The following GLRA2 variants were observed in gnomAD, a reference collection of about 807,000 sequenced individuals.
The protein encoded by GLRA2 is glycine receptor alpha 2.
A neutral mutation model predicts 31.6 loss-of-function variants in GLRA2; 11 were observed. That is an observed-to-expected ratio of 0.35 (90% CI 0.22 to 0.58). The LOEUF is 0.58. Ranked by LOEUF, GLRA2 falls within the 20% of genes least tolerant of loss-of-function variation. The pLI is 0.84. For synonymous variants in GLRA2, 132 were observed against 134.0 expected (o/e 0.99, Z 0.10); for missense variants, 212 against 351.8 (o/e 0.60, Z 3.18).
rs765903619 is a variant in GLRA2, at chrX:14,730,468, G to A, written c.1342G>A (p.Asp448Asn). 1 of 1,205,967 alleles carries A rather than the reference G, an allele frequency of 8.3e-7. No homozygotes were observed. The highest frequency in any genetic ancestry group is 1.1e-6 in the Non-Finnish European group (1 of 891,241). ...WITYKIIRHE[D>N]VHKK ...CACATACAAGATCATTCGGCATGAA[G>A]ATGTCCACAAGAAATAGATGTGCCC... is the stretch of plus-strand genomic sequence containing the variant. The change falls in exon 9 of 9, where the codon GAT becomes AAT. Residue 448 changes from aspartate (D) to asparagine (N), a missense_variant. Physicochemically the swap from Asp to Asn is conservative, Grantham distance 23 (BLOSUM62 1). This residue lies in a region of GLRA2 where 42 missense variants were observed against 52.0 expected (regional missense o/e 0.81). Transcript: ENST00000218075.
the GLRA2 span, among the ~76,000 whole-genome samples, chrX:14,458,482 C>T: frequency 4.5e-5 from 5 of 112,063 alleles, no homozygotes; most frequent in Admixed American, 4.7e-4. Context: ...GTTTACAGTC[C>T]CACCAACTGT....
intron 4 of GLRA2, among the ~76,000 whole-genome samples, chrX:14,591,355 C>T (rs1011833583): frequency 2.7e-5 from 3 of 111,608 alleles, no homozygotes; most frequent in African/African-American, 6.5e-5. Context: ...CTCAAAAGTA[C>T]GGAAGCCGAC....
the GLRA2 span, among the ~76,000 whole-genome samples, chrX:14,464,549 TTTTATTTA>T: frequency 5.4e-5 from 6 of 110,198 alleles, no homozygotes; most frequent in African/African-American, 2.0e-4. Flanking sequence ...TGTATCTATT[TTTTATTTA>T]TTTATTTATT....
the GLRA2 span, among the ~76,000 whole-genome samples, chrX:14,482,252 G>T: frequency 1.8e-5 from 2 of 111,725 alleles, no homozygotes; most frequent in South Asian, 7.3e-4. Context: ...ATTGTGTCTG[G>T]TTACATTAGA....
At chrX:14,479,128 C>T in the GLRA2 span, among the ~76,000 whole-genome samples, 2 of 109,573 alleles carry the variant, frequency 1.8e-5, no homozygotes, top group African/African-American at 3.3e-5. Flanking sequence ...AAAAAAAAGG[C>T]AAGTGGAGAA....
chrX:14,621,133 G>C lies in GLRA2; in HGVS notation c.930+11928G>C, dbSNP rs773838301. On this transcript the variant is annotated intron_variant, in intron 7 of 8. Transcript: ENST00000218075. ...ATTGTGGAAGTACTGTAAAGAGACA[G>C]TGTTCAGTGGCTCCTGATTCTCTGT... Among the ~76,000 whole-genome samples the C allele has an allele frequency of 4.5e-5, 5 of 111,623 alleles. No individual in the cohort carries two copies. In the East Asian group the frequency reaches 1.4e-3, roughly 32 times the overall value.
At chrX:14,661,147 T>A (rs1450527171) in intron 7 of GLRA2, among the ~76,000 whole-genome samples, 1 of 112,384 alleles carries the variant, frequency 8.9e-6, no homozygotes, top group East Asian at 2.8e-4. Flanking sequence ...CATACTTTTA[T>A]GACGCTAACT....
intron 2 of GLRA2, among the ~76,000 whole-genome samples, chrX:14,561,551 A>G (rs1206151805): frequency 1.8e-5 from 2 of 112,656 alleles, no homozygotes; most frequent in Non-Finnish European, 3.7e-5. Flanking sequence ...ACAAAGGCTA[A>G]ACTATTTAAT....
At chrX:14,571,781 G>A (rs2089888260) in intron 2 of GLRA2, among the ~76,000 whole-genome samples, 1 of 97,710 alleles carries the variant, frequency 1.0e-5, no homozygotes, top group African/African-American at 3.9e-5. Flanking sequence ...AAAAAAAAGT[G>A]CCCAAAATTG....
At chrX:14,553,360 A>G (rs933229344) in intron 2 of GLRA2, among the ~76,000 whole-genome samples, 1 of 111,982 alleles carries the variant, frequency 8.9e-6, no homozygotes, top group East Asian at 2.8e-4. Flanking sequence ...GAAGAGATAC[A>G]TCAATCCCTT....
intron 2 of GLRA2, among the ~76,000 whole-genome samples, chrX:14,568,969 T>G (rs1284843138): frequency 9.0e-6 from 1 of 110,751 alleles, no homozygotes; most frequent in Non-Finnish European, 1.9e-5. Context: ...TTATCAAAAC[T>G]AAAGGCCAAG....
At chrX:14,589,208 G>A (rs2090113917) in intron 4 of GLRA2, among the ~76,000 whole-genome samples, 1 of 110,565 alleles carries the variant, frequency 9.0e-6, no homozygotes, top group Non-Finnish European at 1.9e-5. Flanking sequence ...CGTTGACTGT[G>A]GGTTTGTCAT....
intron 1 of GLRA2, among the ~76,000 whole-genome samples, chrX:14,531,520 C>A (rs775872779): frequency 9.0e-6 from 1 of 110,872 alleles, no homozygotes; most frequent in East Asian, 2.8e-4. Context: ...GATAAAAAGT[C>A]AAAATGATTT....
chrX:14,535,592 G>A (rs1171740519), intron 2 of GLRA2, among the ~76,000 whole-genome samples: 3 of 112,310 alleles, frequency 2.7e-5, no homozygotes, highest in African/African-American at 9.7e-5. Flanking sequence ...ATAGAGACGT[G>A]TTTCAGATCT....
At chrX:14,707,653 T>TGAAACTTTTGTTGCC (rs200124175) in intron 8 of GLRA2, among the ~76,000 whole-genome samples, 1,825 of 105,569 alleles carry the variant, frequency 0.017, 20 homozygotes, top group Admixed American at 0.025. Flanking sequence ...TACTACTTTG[T>TGAAACTTTTGTTGCC]GAAACTTTTG....
intron 7 of GLRA2, among the ~76,000 whole-genome samples, chrX:14,683,712 T>C (rs1476478133): frequency 9.0e-6 from 1 of 111,171 alleles, no homozygotes; most frequent in Non-Finnish European, 1.9e-5. Flanking sequence ...CCATCTTGAA[T>C]TGATTTTTGT....
the GLRA2 span, among the ~76,000 whole-genome samples, chrX:14,520,615 G>A: frequency 8.9e-6 from 1 of 112,355 alleles, no homozygotes; most frequent in Non-Finnish European, 1.9e-5. Context: ...ATTTAATCCA[G>A]AAATGTTCTG....
intron 7 of GLRA2, among the ~76,000 whole-genome samples, chrX:14,628,210 T>G (rs2090609003): frequency 8.9e-6 from 1 of 111,868 alleles, no homozygotes; most frequent in Admixed American, 9.5e-5. Context: ...TATTTAGTTT[T>G]TAAAATATTT....
intron 8 of GLRA2, among the ~76,000 whole-genome samples, chrX:14,701,022 G>C (rs1391862610): frequency 9.1e-6 from 1 of 110,270 alleles, no homozygotes; most frequent in African/African-American, 3.3e-5. Flanking sequence ...TTGTGGGTGG[G>C]TGGGTAGGCG....
Sources: gnomAD v4.1 joint callset for allele counts (sites outside exome capture counted in the v4.1 genomes callset) on GRCh38, gnomAD v4.1.1 for gene constraint, gnomAD v4.1.1 regional missense constraint, MANE v1.5 for transcripts, NCBI Gene and HGNC (gene_info 2026-07-23, HGNC 2026-07-21) for gene names.